RFX6: variants seen among roughly 807,000 people sequenced by gnomAD.
The protein encoded by RFX6 is regulatory factor X6.
Under a neutral mutation model 110.8 loss-of-function variants are expected in RFX6, and 50 were observed. The ratio of observed to expected loss-of-function variants is 0.45; its 90% CI spans 0.36 to 0.57. RFX6 has a LOEUF of 0.57. Ranked by LOEUF, RFX6 falls within the 20% of genes least tolerant of loss-of-function variation. The probability of loss-of-function intolerance (pLI) is 0.00; values close to 1 mark genes in which losing one functional copy is unlikely to be tolerated. For synonymous variants in RFX6, 383 were observed against 411.2 expected (o/e 0.93, Z 0.83); for missense variants, 990 against 1,127.0 (o/e 0.88, Z 1.74).
intron 4 of RFX6, among the ~76,000 whole-genome samples, chr6:116,890,757 A>G (rs1480403905): frequency 5.3e-5 from 8 of 152,176 alleles, no homozygotes. Context: ...TATACATAAA[A>G]TACATACATT....
At chr6:116,916,426 A>T (rs1775467822) in intron 9 of RFX6, 112 bp downstream of exon 9, 1 of 735,084 alleles carries the variant, frequency 1.4e-6, no homozygotes, top group South Asian at 1.5e-5. Context: ...CTGGATATAC[A>T]CTGTCTTTTT....
In RFX6 at chr6:116,927,408, G is replaced by C; in HGVS notation, c.2267G>C (p.Ser756Thr). 6.2e-7 allele frequency: 1 copy of C among 1,614,150 alleles called. No homozygotes were observed. The highest frequency in any genetic ancestry group is 8.5e-7 in the Non-Finnish European group (1 of 1,180,022). The change falls in exon 17 of 19, where the codon AGC (serine) becomes ACC (threonine). Residue 756 changes from serine (S) to threonine (T), a missense_variant. Around this residue, in one of 5 missense-constraint regions of RFX6, gnomAD observed 438 missense variants for 441.9 expected, o/e 0.99. Coordinates refer to ENST00000332958, the MANE Select transcript of RFX6 (RefSeq NM_173560.4). ...GSPYNSRPPS[S>T]YGPSLQAQDS... The stretch of plus-strand genomic sequence containing the variant: ...CCATATAACTCCCGGCCACCGTCTA[G>C]CTATGGCCCATCCCTGCAAGCCCAG...
rs529146516 is a variant in RFX6 at position 116,892,145 on chromosome 6, T to C, written c.567-1842T>C. On this transcript the variant is annotated intron_variant, in intron 4 of 18. Coordinates refer to ENST00000332958, the MANE Select transcript of RFX6 (RefSeq NM_173560.4). ...TTTCTGAAAACATTAGTTATAATAT[T>C]TGTTGCTGCTGTTGTTGTTTTGATG... is the stretch of plus-strand genomic sequence containing the variant. Among the ~76,000 whole-genome samples, 250 of 152,362 alleles carry C rather than the reference T, an allele frequency of 1.6e-3. 1 individual carries two copies. The highest frequency in any genetic ancestry group is 5.8e-3 in the African/African-American group (240 of 41,584).
chr6:116,916,011 G>C lies in RFX6; in HGVS notation c.784G>C (p.Asp262His). ...YQGCISKDKVDTLIMMYKTHC... is the reference protein window; with the variant it reads ...YQGCISKDKVHTLIMMYKTHC... Reference sequence around the variant, plus strand: ...AGCTTTTTCTTCCTTGAAATAGGTTGATACGCTCATAATGATGTACAAAAC... The same window carrying C: ...AGCTTTTTCTTCCTTGAAATAGGTTCATACGCTCATAATGATGTACAAAAC... The change falls in exon 8 of 19, where the codon GAT (aspartate) becomes CAT (histidine). Residue 262 changes from aspartate (D) to histidine (H), a missense_variant. Physicochemically the swap from Asp to His is moderately conservative, Grantham distance 81. This residue lies in a region of RFX6 where 243 missense variants were observed against 353.1 expected (regional missense o/e 0.69). Coordinates refer to ENST00000332958, the MANE Select transcript of RFX6 (RefSeq NM_173560.4). 6.2e-7 allele frequency: 1 copy of C among 1,606,584 alleles called. No individual in the cohort carries two copies. Among genetic ancestry groups the C allele is most frequent in the Non-Finnish European group, 8.5e-7 (1 of 1,173,716 alleles).
chr6:116,892,550 T>C (rs1030619428), intron 4 of RFX6, among the ~76,000 whole-genome samples: 3 of 152,182 alleles, frequency 2.0e-5, no homozygotes, highest in African/African-American at 7.2e-5. Context: ...TAGTAGGTGA[T>C]GCAGATGCAG....
chr6:116,929,004 T>TC, intron 18 of RFX6, 33 bp downstream of exon 18: 1 of 1,414,634 alleles, frequency 7.1e-7, no homozygotes, highest in Non-Finnish European at 1.0e-6. Flanking sequence ...GAAAACATTT[T>TC]AAGAAGTTGT....
intron 6 of RFX6, among the ~76,000 whole-genome samples, chr6:116,899,383 G>A (rs1183495568): frequency 2.0e-5 from 3 of 152,098 alleles, no homozygotes; most frequent in African/African-American, 7.2e-5. Flanking sequence ...TAATAGTTAA[G>A]AGAAATGTAA....
chr6:116,919,894 A>G (rs1775554692), intron 11 of RFX6, among the ~76,000 whole-genome samples: 1 of 152,214 alleles, frequency 6.6e-6, no homozygotes, highest in Non-Finnish European at 1.5e-5. Context: ...TTGCCTTCTA[A>G]ATTTTAAAAG....
At chr6:116,901,734 G>A (rs1775079044) in intron 6 of RFX6, among the ~76,000 whole-genome samples, 2 of 152,092 alleles carry the variant, frequency 1.3e-5, no homozygotes, top group Admixed American at 1.3e-4. Flanking sequence ...TAACTAAAAT[G>A]TCTAAAGACA....
intron 5 of RFX6, among the ~76,000 whole-genome samples, chr6:116,894,898 A>G (rs1408234489): frequency 6.6e-6 from 1 of 152,172 alleles, no homozygotes; most frequent in Non-Finnish European, 1.5e-5. Context: ...AAATGTAAAT[A>G]TAGGCTGGAA....
In RFX6 at chr6:116,877,310, T is replaced by C. The variant is rs1774479008; in HGVS notation, c.35T>C (p.Leu12Pro). The stretch of plus-strand genomic sequence containing the variant: ...GTCCCGGAGCTGGAAGACACCTTCC[T>C]GCAGGCGCAGCCTGCGCCCCAACTG... ...AKVPELEDTFLQAQPAPQLSP... is the reference protein window; with the variant it reads ...AKVPELEDTFPQAQPAPQLSP... Residue 12 changes from leucine (L) to proline (P), a missense_variant, in exon 1 of 19, where the codon CTG becomes CCG. Physicochemically the swap from Leu to Pro is moderately conservative, Grantham distance 98. Coordinates refer to ENST00000332958, the MANE Select transcript of RFX6 (RefSeq NM_173560.4). 6.2e-7 allele frequency: 1 copy of C among 1,612,570 alleles called. No homozygotes were observed. The highest frequency in any genetic ancestry group is 1.1e-5 in the South Asian group (1 of 90,866).
At chr6:116,896,512 T>G (rs537367397) in intron 6 of RFX6, among the ~76,000 whole-genome samples, 54 of 152,272 alleles carry the variant, frequency 3.5e-4, no homozygotes, top group Middle Eastern at 3.4e-3. Context: ...ACAATTGAAA[T>G]TTTTAAAAAT....
At chr6:116,902,440 T>A (rs1775096768) in intron 6 of RFX6, among the ~76,000 whole-genome samples, 1 of 152,072 alleles carries the variant, frequency 6.6e-6, no homozygotes, top group African/African-American at 2.4e-5. Context: ...TTAGTATTAA[T>A]AATTGTTACT....
intron 4 of RFX6, among the ~76,000 whole-genome samples, chr6:116,883,833 T>C (rs1774644416): frequency 6.6e-6 from 1 of 152,128 alleles, no homozygotes; most frequent in African/African-American, 2.4e-5. Flanking sequence ...GACTCTGTCT[T>C]TCTTGTCCAT....
chr6:116,916,383 G>C (rs904416029), intron 9 of RFX6, 69 bp downstream of exon 9: 67 of 949,916 alleles, frequency 7.1e-5, no homozygotes, highest in Non-Finnish European at 1.1e-4. Context: ...CTAAATTCTT[G>C]CAATATATTT....
intron 11 of RFX6, 102 bp from the exon 12 acceptor site, chr6:116,920,208 G>T: frequency 1.1e-6 from 1 of 901,590 alleles, no homozygotes; most frequent in Non-Finnish European, 1.9e-6. Flanking sequence ...AGTTATTTAT[G>T]ATACTTTTAT....
At chr6:116,887,981 A>G (rs1419053734) in intron 4 of RFX6, among the ~76,000 whole-genome samples, 1 of 152,194 alleles carries the variant, frequency 6.6e-6, no homozygotes, top group Non-Finnish European at 1.5e-5. Flanking sequence ...GATCAGCCAA[A>G]TCTTGGTTTT....
intron 7 of RFX6, among the ~76,000 whole-genome samples, chr6:116,911,551 A>C (rs1775352460): frequency 6.6e-6 from 1 of 152,194 alleles, no homozygotes; most frequent in Non-Finnish European, 1.5e-5. Flanking sequence ...TTAAGAAAGA[A>C]TCATTTTCAT....
At chr6:116,905,124 T>G (rs1379876883) in intron 6 of RFX6, among the ~76,000 whole-genome samples, 1 of 152,228 alleles carries the variant, frequency 6.6e-6, no homozygotes, top group East Asian at 1.9e-4. Context: ...CTGTACTATT[T>G]TACATTCTCA....
Sources: gnomAD v4.1 joint callset for allele counts (sites outside exome capture counted in the v4.1 genomes callset) on GRCh38, gnomAD v4.1.1 for gene constraint, gnomAD v4.1.1 regional missense constraint, MANE v1.5 for transcripts, NCBI Gene and HGNC (gene_info 2026-07-23, HGNC 2026-07-21) for gene names.